CTNNA2: variants seen among roughly 807,000 people sequenced by gnomAD.
CTNNA2 encodes catenin alpha-2.
CTNNA2 carries 42 observed loss-of-function variants against 101.0 expected under a neutral mutation model. The ratio of observed to expected loss-of-function variants is 0.42; its 90% CI spans 0.32 to 0.54. The LOEUF (loss-of-function observed/expected upper bound fraction) is 0.54, where lower values mean the gene tolerates loss of function less well. CTNNA2 is among the 20% of genes least tolerant of loss of function. The pLI, the probability that CTNNA2 is intolerant of heterozygous loss-of-function variation, is 0.14. For missense variants in CTNNA2, 871 were observed against 1,223.1 expected (o/e 0.71, Z 4.29); for synonymous variants, 450 against 456.4 (o/e 0.99, Z 0.18).
intron 3 of CTNNA2, among the ~76,000 whole-genome samples, chr2:79,815,852 T>C (rs1677448968): frequency 6.6e-6 from 1 of 152,206 alleles, no homozygotes; most frequent in Non-Finnish European, 1.5e-5. Flanking sequence ...CTTTTGGCAG[T>C]ATGGTCATTT....
chr2:80,375,349 T>C (rs1044233655), intron 7 of CTNNA2, among the ~76,000 whole-genome samples: 1 of 152,044 alleles, frequency 6.6e-6, no homozygotes, highest in African/African-American at 2.4e-5. Flanking sequence ...GTATACAGTT[T>C]GGTTCTTATA....
intron 7 of CTNNA2, among the ~76,000 whole-genome samples, chr2:80,361,811 A>G (rs1031185659): frequency 6.6e-6 from 1 of 152,110 alleles, no homozygotes; most frequent in African/African-American, 2.4e-5. Context: ...AGAGAAAGAA[A>G]ATGGTTTCAT....
At chr2:79,280,685 AAG>A (rs1303364237) in intron 2 of CTNNA2, among the ~76,000 whole-genome samples, 3 of 88,444 alleles carry the variant, frequency 3.4e-5, no homozygotes, top group Non-Finnish European at 6.9e-5. Context: ...GAGAGAGAGA[AAG>A]AGAGAGAGAG....
chr2:80,311,179 CT>C (rs1677540362), intron 7 of CTNNA2, among the ~76,000 whole-genome samples: 1 of 151,928 alleles, frequency 6.6e-6, no homozygotes, highest in Admixed American at 6.6e-5. Flanking sequence ...ATCCTTATAC[CT>C]TTGAATATAT....
chr2:79,292,485 G>A (rs1405447702), intron 2 of CTNNA2, among the ~76,000 whole-genome samples: 1 of 152,126 alleles, frequency 6.6e-6, no homozygotes. Flanking sequence ...CATCACCTAG[G>A]TAATCAACTG....
intron 4 of CTNNA2, among the ~76,000 whole-genome samples, chr2:79,491,761 C>T (rs915584654): frequency 6.6e-6 from 1 of 152,170 alleles, no homozygotes; most frequent in African/African-American, 2.4e-5. Context: ...CCTCACCAAA[C>T]TCACAGAGCT....
Position 79,362,080 on chromosome 2 carries a change from G to T in CTNNA2, c.-317-11751G>T, listed in dbSNP as rs137860934. On this transcript the variant is annotated intron_variant, in intron 3 of 21. Transcript: ENST00000466387. ...ATTGCCTGTAGAATGCTATCATGGT[G>T]GTCAGCAAATGTCCCATCTGGAGCT... 5.5e-3 allele frequency among the ~76,000 whole-genome samples: 832 copies of T among 152,224 alleles called. 4 individuals are homozygous for T. The highest frequency in any genetic ancestry group is 0.019 in the African/African-American group (791 of 41,548).
intron 6 of CTNNA2, among the ~76,000 whole-genome samples, chr2:79,888,285 A>G (rs1659344746): frequency 6.6e-6 from 1 of 152,176 alleles, no homozygotes; most frequent in Non-Finnish European, 1.5e-5. Context: ...ATCGTAGACA[A>G]CATAGTCTTC....
At chr2:79,578,705 A>T (rs953976614) in intron 1 of CTNNA2, among the ~76,000 whole-genome samples, 1 of 151,824 alleles carries the variant, frequency 6.6e-6, no homozygotes, top group African/African-American at 2.4e-5. Flanking sequence ...CTGTTCCTGG[A>T]CTCTCTATTC....
intron 2 of CTNNA2, among the ~76,000 whole-genome samples, chr2:79,738,426 C>T (rs1671051431): frequency 1.3e-5 from 2 of 152,138 alleles, no homozygotes; most frequent in Admixed American, 1.3e-4. Context: ...TAGCAGGAAG[C>T]TGGCACAGCT....
intron 7 of CTNNA2, among the ~76,000 whole-genome samples, chr2:80,164,097 C>T (rs975919620): frequency 6.6e-6 from 1 of 151,392 alleles, no homozygotes; most frequent in South Asian, 2.1e-4. Context: ...GGTTTTGGAT[C>T]CAGTCTTCTA....
intron 7 of CTNNA2, among the ~76,000 whole-genome samples, chr2:80,218,374 C>T (rs1180344827): frequency 2.0e-5 from 3 of 152,208 alleles, no homozygotes; most frequent in African/African-American, 7.2e-5. Context: ...TTCAGGACAT[C>T]CTATGTTAAT....
At chr2:79,626,924 TA>T (rs1679349143) in intron 1 of CTNNA2, among the ~76,000 whole-genome samples, 1 of 152,132 alleles carries the variant, frequency 6.6e-6, no homozygotes, top group Non-Finnish European at 1.5e-5. Context: ...ATTATAGCAA[TA>T]AAATTTAAAA....
At chr2:80,215,488 C>T (rs986072294) in intron 7 of CTNNA2, among the ~76,000 whole-genome samples, 4 of 152,200 alleles carry the variant, frequency 2.6e-5, no homozygotes, top group East Asian at 1.9e-4. Flanking sequence ...ACAGTCAGGA[C>T]CCTCAGCTGC....
chr2:79,530,115 C>T (rs969598772), intron 1 of CTNNA2, among the ~76,000 whole-genome samples: 1 of 152,124 alleles, frequency 6.6e-6, no homozygotes, highest in African/African-American at 2.4e-5. Context: ...GTTTTCTCTT[C>T]ATCCTGATTT....
intron 3 of CTNNA2, among the ~76,000 whole-genome samples, chr2:79,820,929 G>C (rs996000761): frequency 6.6e-6 from 1 of 152,046 alleles, no homozygotes; most frequent in African/African-American, 2.4e-5. Context: ...TTTAATGGTT[G>C]TTGTCTTTTA....
intron 1 of CTNNA2, among the ~76,000 whole-genome samples, chr2:79,539,581 G>A (rs973422371): frequency 1.3e-5 from 2 of 152,122 alleles, no homozygotes; most frequent in African/African-American, 4.8e-5. Flanking sequence ...AATAAACTGT[G>A]GGTGGCTTTA....
chr2:80,379,270 ATC>A (rs1676280964), intron 7 of CTNNA2, among the ~76,000 whole-genome samples: 2 of 152,136 alleles, frequency 1.3e-5, no homozygotes, highest in African/African-American at 4.8e-5. Flanking sequence ...AGTCACTTTT[ATC>A]TCTTTGTCCA....
intron 7 of CTNNA2, among the ~76,000 whole-genome samples, chr2:80,059,467 T>C (rs1255241556): frequency 6.6e-6 from 1 of 152,210 alleles, no homozygotes; most frequent in African/African-American, 2.4e-5. Context: ...AAGCCACTAG[T>C]ATTTTGCTTC....
Sources: gnomAD v4.1 joint callset for allele counts (sites outside exome capture counted in the v4.1 genomes callset) on GRCh38, gnomAD v4.1.1 for gene constraint, MANE v1.5 for transcripts, NCBI Gene and HGNC (gene_info 2026-07-23, HGNC 2026-07-21) for gene names.